LPIN1: variants seen among roughly 807,000 people sequenced by gnomAD.
LPIN1 encodes the protein lipin 1.
A neutral mutation model predicts 107.5 loss-of-function variants in LPIN1; 71 were observed. The observed-to-expected ratio is 0.66, with a 90% confidence interval of 0.55 to 0.80. The LOEUF (loss-of-function observed/expected upper bound fraction) is 0.80. Among genes scored for constraint, LPIN1 ranks in the 30% least tolerant of loss-of-function variants. LPIN1 has a pLI of 0.00. For missense variants in LPIN1, 1,043 were observed against 1,160.6 expected (o/e 0.90, Z 1.47); for synonymous variants, 445 against 452.6 (o/e 0.98, Z 0.21).
chr2:11,782,247 G>T lies in LPIN1; in HGVS notation c.1004G>T (p.Arg335Ile), dbSNP rs769969000. 9 of 1,614,024 alleles carry T rather than the reference G, an allele frequency of 5.6e-6. No homozygotes were observed. The African/African-American group carries it at 8.0e-5, about 14-fold the overall frequency. ...KMKESSPLSS[R>I]KICDKSHFQA... The stretch of plus-strand genomic sequence containing the variant: ...AAAGAGTCCAGCCCATTGAGCAGTA[G>T]AAAAATTTGTGATAAAAGTCACTTT... Residue 335 changes from arginine (R) to isoleucine (I), a missense_variant, in exon 8 of 21, where the codon AGA becomes ATA. Coordinates refer to ENST00000674199, the MANE Select transcript of LPIN1 (RefSeq NM_001349206.2).
chr2:11,717,060 G>C (rs1193668075), intron 2 of LPIN1, among the ~76,000 whole-genome samples: 1 of 152,166 alleles, frequency 6.6e-6, no homozygotes, highest in Non-Finnish European at 1.5e-5. Context: ...AGTTTTCTTG[G>C]AGGGAGCATG....
At chr2:11,690,932 G>T (rs1308962618) in intron 1 of LPIN1, among the ~76,000 whole-genome samples, 1 of 151,946 alleles carries the variant, frequency 6.6e-6, no homozygotes, top group African/African-American at 2.4e-5. Flanking sequence ...GTCATTATCA[G>T]ATTGTTCAAT....
chr2:11,790,904 A>G (rs1000045707), intron 12 of LPIN1, among the ~76,000 whole-genome samples: 10 of 152,086 alleles, frequency 6.6e-5, no homozygotes, highest in South Asian at 2.1e-4. Flanking sequence ...TTGTTTTTCA[A>G]ATGAACATTA....
chr2:11,822,082 C>T (rs548402419), intron 20 of LPIN1, among the ~76,000 whole-genome samples: 1 of 152,182 alleles, frequency 6.6e-6, no homozygotes, highest in South Asian at 2.1e-4. Context: ...GTGTTATAGT[C>T]TGTTTTCATG....
intron 1 of LPIN1, among the ~76,000 whole-genome samples, chr2:11,703,107 TAG>T (rs1201668934): frequency 2.6e-5 from 4 of 152,216 alleles, no homozygotes; most frequent in Non-Finnish European, 1.5e-5. Context: ...CATTCCCTGT[TAG>T]AGACTGACAA....
At chr2:11,717,746 C>A (rs995464609) in intron 2 of LPIN1, among the ~76,000 whole-genome samples, 1 of 151,764 alleles carries the variant, frequency 6.6e-6, no homozygotes, top group Non-Finnish European at 1.5e-5. Flanking sequence ...TTATTCCTCA[C>A]AACGGCCTTC....
At chr2:11,796,111 A>G (rs2148683165) in intron 14 of LPIN1, among the ~76,000 whole-genome samples, 2 of 152,358 alleles carry the variant, frequency 1.3e-5, no homozygotes, top group Admixed American at 1.3e-4. Context: ...TTTGCGCTGT[A>G]CCATCTTTTA....
At chr2:11,690,066 A>G (rs1214603635) in intron 1 of LPIN1, among the ~76,000 whole-genome samples, 2 of 152,200 alleles carry the variant, frequency 1.3e-5, no homozygotes, top group Admixed American at 1.3e-4. Context: ...CCAGAGTTTT[A>G]GTTTTTGTTT....
At chr2:11,818,544 A>G (rs1049402844) in intron 18 of LPIN1, 16 of 151,866 alleles carry the variant, frequency 1.1e-4, no homozygotes, top group Non-Finnish European at 1.9e-4. Flanking sequence ...TGTTAACCTT[A>G]TTAGAGTCTT....
chr2:11,813,068 T>A (rs1679957796), intron 17 of LPIN1, among the ~76,000 whole-genome samples: 1 of 151,740 alleles, frequency 6.6e-6, no homozygotes, highest in African/African-American at 2.4e-5. Flanking sequence ...CCCCGAGGAG[T>A]CTCGGGGTGA....
chr2:11,700,054 T>G (rs959701541), intron 1 of LPIN1, among the ~76,000 whole-genome samples: 1 of 152,208 alleles, frequency 6.6e-6, no homozygotes, highest in African/African-American at 2.4e-5. Context: ...TGATTGTTAT[T>G]CTAGGCAGAG....
chr2:11,758,439 C>G (rs1260733402), intron 1 of LPIN1, among the ~76,000 whole-genome samples: 2 of 151,570 alleles, frequency 1.3e-5, no homozygotes, highest in Non-Finnish European at 2.9e-5. Flanking sequence ...TATATTCTGT[C>G]TTTTTTTTTC....
chr2:11,778,638 C>G (rs572016589), intron 6 of LPIN1, among the ~76,000 whole-genome samples: 1 of 152,156 alleles, frequency 6.6e-6, no homozygotes, highest in African/African-American at 2.4e-5. Context: ...TCTGAAAAAC[C>G]CTGCCGCCTT....
At chr2:11,718,217 A>C (rs1248018202) in intron 2 of LPIN1, among the ~76,000 whole-genome samples, 1 of 152,082 alleles carries the variant, frequency 6.6e-6, no homozygotes, top group Non-Finnish European at 1.5e-5. Context: ...CCTCTCAGGA[A>C]AAGGGGGTCA....
At chr2:11,813,537 T>C (rs1680049973) in intron 17 of LPIN1, among the ~76,000 whole-genome samples, 1 of 152,154 alleles carries the variant, frequency 6.6e-6, no homozygotes, top group South Asian at 2.1e-4. Context: ...ACTTTCTTTT[T>C]TTTATAATAG....
chr2:11,683,654 A>T (rs115132154), intron 1 of LPIN1, among the ~76,000 whole-genome samples: 2 of 152,316 alleles, frequency 1.3e-5, no homozygotes, highest in Non-Finnish European at 2.9e-5. Context: ...AGAGGAGAGA[A>T]GATGGGGCGT....
intron 2 of LPIN1, among the ~76,000 whole-genome samples, chr2:11,715,763 A>G (rs1460362474): frequency 6.6e-6 from 1 of 152,136 alleles, no homozygotes; most frequent in Non-Finnish European, 1.5e-5. Context: ...GAAACAGCAC[A>G]GTGTCTTTGA....
chr2:11,694,563 G>A (rs1024876613), intron 1 of LPIN1, among the ~76,000 whole-genome samples: 11 of 152,294 alleles, frequency 7.2e-5, no homozygotes, highest in Non-Finnish European at 1.5e-4. Context: ...CCTTGTGTAT[G>A]TATCTGAAGC....
Position 11,757,786 on chromosome 2 carries a change from C to G in LPIN1, c.-9-7747C>G, listed in dbSNP as rs58144740. Among the ~76,000 whole-genome samples, 1,424 of 149,540 alleles carry G rather than the reference C, an allele frequency of 9.5e-3. 21 individuals are homozygous for G. The highest frequency in any genetic ancestry group is 0.032 in the African/African-American group (1,274 of 39,844). Reference sequence around the variant, plus strand: ...AATGAGTTCTGGTTAATACAATTTTCTCTCTCCCCAATTCTTAAAAAAAAA... The same window carrying G: ...AATGAGTTCTGGTTAATACAATTTTGTCTCTCCCCAATTCTTAAAAAAAAA... On this transcript the variant is annotated intron_variant, in intron 1 of 20. Transcript: ENST00000674199.
Sources: gnomAD v4.1 joint callset for allele counts (sites outside exome capture counted in the v4.1 genomes callset) on GRCh38, gnomAD v4.1.1 for gene constraint, MANE v1.5 for transcripts, NCBI Gene and HGNC (gene_info 2026-07-23, HGNC 2026-07-21) for gene names.